POLA2: variants seen among roughly 807,000 people sequenced by gnomAD.
The protein encoded by POLA2 is DNA polymerase alpha 2, accessory subunit, also known as DNA polymerase alpha subunit B.
POLA2 carries 47 observed loss-of-function variants against 82.8 expected under a neutral mutation model. The observed-to-expected ratio is 0.57, with a 90% CI of 0.45 to 0.72. POLA2 has a LOEUF of 0.72. Among genes scored for constraint, POLA2 ranks in the 30% least tolerant of loss-of-function variants. The pLI, the probability that POLA2 is intolerant of heterozygous loss-of-function variation, is 0.00. For synonymous variants in POLA2, 287 were observed against 286.8 expected (o/e 1.00, Z -0.01); for missense variants, 634 against 728.1 (o/e 0.87, Z 1.49).
downstream of POLA2, among the ~76,000 whole-genome samples, chr11:65,301,893 G>A (rs760397097): frequency 5.3e-5 from 8 of 152,140 alleles, no homozygotes; most frequent in Non-Finnish European, 1.5e-5. Flanking sequence ...TGCTGCTTTC[G>A]TGGGTCAGCC....
At position 65,262,184 on chromosome 11, in the gene POLA2, G is replaced by C. The variant is rs531216355; in HGVS notation, c.-109G>C. ...TCACCTCCTGTCACGGTCCGCGGAG[G>C]GGGGAAGGATAAGAGGGCGAGGAGC... On this transcript the variant is annotated 5_prime_UTR_variant, in exon 1 of 18. Coordinates refer to ENST00000265465, the MANE Select transcript of POLA2 (RefSeq NM_002689.4). 15 of 792,630 alleles carry C rather than the reference G, an allele frequency of 1.9e-5. No individual in the cohort carries two copies. Among genetic ancestry groups the C allele is most frequent in the African/African-American group, 1.2e-4 (7 of 57,576 alleles). 49.1% of individuals were successfully genotyped at this position (792,630 alleles called of 1,614,324 possible).
At chr11:65,268,376 G>T (rs1030292913) in intron 3 of POLA2, among the ~76,000 whole-genome samples, 1 of 150,718 alleles carries the variant, frequency 6.6e-6, no homozygotes, top group African/African-American at 2.4e-5. Context: ...TTTTGAGATG[G>T]AGTCTCGCTG....
At chr11:65,289,963 G>T in intron 13 of POLA2, 91 bp downstream of exon 13, 1 of 812,832 alleles carries the variant, frequency 1.2e-6, no homozygotes, top group Non-Finnish European at 2.1e-6. Flanking sequence ...AAAAGTCGTG[G>T]CAGGGCCAGG....
At position 65,281,086 on chromosome 11, in the gene POLA2, C is replaced by T. The variant is rs562004059; in HGVS notation, c.839C>T (p.Ser280Leu). Residue 280 changes from serine to leucine, a missense_variant, in exon 8 of 18, where the codon TCG becomes TTG. Ser to Leu is a moderately radical substitution (Grantham distance 145, BLOSUM62 -2). Transcript: ENST00000265465. ...VILEGDREHS[S>L]GAQIPVDLSE... is the part of the protein sequence containing the mutation. ...CTCGAGGGAGACCGGGAACATTCCT[C>T]GGGTGCTCAAATTCCAGTGGATTTA... 62 of 1,614,110 alleles carry T rather than the reference C, an allele frequency of 3.8e-5. No individual in the cohort carries two copies. The East Asian group carries it at 1.1e-3, about 30-fold the overall frequency.
chr11:65,295,611 G>A lies in POLA2; in HGVS notation c.1520+12G>A. 3.7e-6 allele frequency: 6 copies of A among 1,609,220 alleles called. No homozygotes were observed. In the South Asian group the frequency reaches 4.4e-5, roughly 12 times the overall value. ...TTGACCCAGAGGAGGTGAGCTTGCCGCTGGGACCCCTGACTGTGGAGAGAG... is the reference window on the plus strand; with the variant it reads ...TTGACCCAGAGGAGGTGAGCTTGCCACTGGGACCCCTGACTGTGGAGAGAG... On this transcript the variant is annotated intron_variant, in intron 16 of 17. Transcript: ENST00000265465.
downstream of POLA2, among the ~76,000 whole-genome samples, chr11:65,303,501 G>A (rs1565500125): frequency 3.3e-5 from 5 of 152,042 alleles, no homozygotes; most frequent in African/African-American, 4.8e-5. Flanking sequence ...CAGCCTGGGC[G>A]ATAGAGCAAG....
intron 10 of POLA2, among the ~76,000 whole-genome samples, chr11:65,283,152 T>G (rs974612407): frequency 3.9e-5 from 6 of 152,102 alleles, no homozygotes; most frequent in Non-Finnish European, 7.4e-5. Context: ...TAAAATTAAT[T>G]AATTTTTTGA....
intron 12 of POLA2, among the ~76,000 whole-genome samples, chr11:65,289,320 G>A (rs1226649752): frequency 6.6e-6 from 1 of 152,344 alleles, no homozygotes; most frequent in South Asian, 2.1e-4. Flanking sequence ...AAGTCCTAAT[G>A]TTCCTTTGTT....
At chr11:65,301,624 C>T (rs140544334), downstream of POLA2, among the ~76,000 whole-genome samples, 2 of 152,140 alleles carry the variant, frequency 1.3e-5, no homozygotes, top group Non-Finnish European at 2.9e-5. Context: ...GGATGGGCAA[C>T]ATCCGCACCA....
intron 3 of POLA2, 32 bp downstream of exon 3, chr11:65,267,600 A>G (rs1408553742): frequency 7.6e-7 from 1 of 1,319,950 alleles, no homozygotes. Flanking sequence ...CTTTGCACCA[A>G]GCTACATGTT....
chr11:65,296,948 C>CA (rs547282942), intron 17 of POLA2, among the ~76,000 whole-genome samples, 172 bp from the exon 18 acceptor site: 2,557 of 57,702 alleles, frequency 0.044, 82 homozygotes, highest in African/African-American at 0.12. Flanking sequence ...GACTCCATCT[C>CA]AAAAAAAAAA....
downstream of POLA2, chr11:65,305,667 C>T: frequency 3.4e-6 from 1 of 292,216 alleles, no homozygotes; most frequent in Non-Finnish European, 6.7e-6. Flanking sequence ...GGTGACAGAG[C>T]AGGACCCTGT....
At chr11:65,275,733 A>C (rs1282479005) in intron 4 of POLA2, among the ~76,000 whole-genome samples, 159 bp from the exon 5 acceptor site, 1 of 152,140 alleles carries the variant, frequency 6.6e-6, no homozygotes, top group East Asian at 1.9e-4. Context: ...TTTCTTTTTG[A>C]GATTATGCTT....
chr11:65,278,906 T>A lies in POLA2; in HGVS notation c.638T>A (p.Leu213His). Residue 213 changes from leucine (L) to histidine (H), a missense_variant, in exon 6 of 18, where the codon CTC (leucine) becomes CAC (histidine). Physicochemically the swap from Leu to His is moderately conservative, Grantham distance 99 (BLOSUM62 -3). Coordinates refer to ENST00000265465, the MANE Select transcript of POLA2 (RefSeq NM_002689.4). Reference sequence around the variant, plus strand: ...AGCTACAAATCCATGTTTCAGAAGCTCCCAGACATTCGAGAAGGTGATTGT... The same window carrying A: ...AGCTACAAATCCATGTTTCAGAAGCACCCAGACATTCGAGAAGGTGATTGT... ...TGSYKSMFQKLPDIREVLTCK... is the reference protein window; with the variant it reads ...TGSYKSMFQKHPDIREVLTCK... 3 of 1,613,266 alleles carry A rather than the reference T, an allele frequency of 1.9e-6. No individual in the cohort carries two copies. The highest frequency in any genetic ancestry group is 2.5e-6 in the Non-Finnish European group (3 of 1,179,928).
chr11:65,287,738 G>C lies in POLA2; in HGVS notation c.1029G>C (p.Leu343=). 1 of 1,613,164 alleles carries C rather than the reference G, an allele frequency of 6.2e-7. No individual in the cohort carries two copies. The highest frequency in any genetic ancestry group is 8.5e-7 in the Non-Finnish European group (1 of 1,179,364). ...EDADFEQSMV[L]VACGPYTTSD... The stretch of plus-strand genomic sequence containing the variant: ...TAGACTTTGAGCAAAGCATGGTCCT[G>C]GTTGCCTGTGGACCATACACCACAT... Residue 343 remains leucine (L), a synonymous_variant, in exon 11 of 18, where the codon CTG becomes CTC. Coordinates refer to ENST00000265465, the MANE Select transcript of POLA2 (RefSeq NM_002689.4).
chr11:65,273,876 AAATTAT>A (rs1224951862), intron 4 of POLA2, among the ~76,000 whole-genome samples: 3 of 152,140 alleles, frequency 2.0e-5, no homozygotes, highest in African/African-American at 7.2e-5. Context: ...GAAATAATTC[AAATTAT>A]GGGAAAAGCT....
rs1257714475 is a variant in POLA2, at chr11:65,261,998, T to A, written c.-295T>A. 2.1e-6 allele frequency: 1 copy of A among 473,350 alleles called. No homozygotes were observed. The highest frequency in any genetic ancestry group is 2.0e-5 in the African/African-American group (1 of 49,488). 29.3% of individuals were successfully genotyped at this position (473,350 alleles called of 1,614,324 possible). A position where few individuals can be genotyped will look rare whatever the true frequency, so the allele number is the denominator to read the frequency against. On this transcript the variant is annotated 5_prime_UTR_variant, in exon 1 of 18. Coordinates refer to ENST00000265465, the MANE Select transcript of POLA2 (RefSeq NM_002689.4). ...CGTCACTGAGAAGCTCAGCGGTAGCTTTTGGGAAGCAGGACGTTCTCACCA... is the reference window on the plus strand; with the variant it reads ...CGTCACTGAGAAGCTCAGCGGTAGCATTTGGGAAGCAGGACGTTCTCACCA...
intron 1 of POLA2, among the ~76,000 whole-genome samples, chr11:65,263,342 C>T (rs1194217260): frequency 2.6e-5 from 4 of 151,636 alleles, no homozygotes; most frequent in Non-Finnish European, 4.4e-5. Context: ...GCCTCAGCCT[C>T]CCAAGTAGCT....
At chr11:65,296,847 C>G (rs911860746) in intron 17 of POLA2, among the ~76,000 whole-genome samples, 1 of 151,368 alleles carries the variant, frequency 6.6e-6, no homozygotes, top group South Asian at 2.1e-4. Context: ...TACCTGGGAG[C>G]CTGAGGCAGG....
Sources: gnomAD v4.1 joint callset for allele counts (sites outside exome capture counted in the v4.1 genomes callset) on GRCh38, gnomAD v4.1.1 for gene constraint, MANE v1.5 for transcripts, NCBI Gene and HGNC (gene_info 2026-07-23, HGNC 2026-07-21) for gene names.